The following CYP2D6 variants were observed in gnomAD, a reference collection of about 807,000 sequenced individuals.
CYP2D6 encodes cytochrome P450 2D6.
Under a neutral mutation model 43.5 loss-of-function variants are expected in CYP2D6, and 51 were observed. That is an observed-to-expected ratio of 1.17 (90% CI 0.94 to 1.48). CYP2D6 has a LOEUF of 1.48. Among genes scored for constraint, CYP2D6 ranks in the 40% most tolerant of loss-of-function variants. The pLI is 0.00. For missense variants in CYP2D6, 698 were observed against 688.0 expected (o/e 1.01, Z -0.16); for synonymous variants, 346 against 297.1 (o/e 1.16, Z -1.69).
intron 4 of CYP2D6, 126 bp from the exon 5 acceptor site, chr22:42,128,476 C>G: frequency 8.6e-7 from 1 of 1,160,872 alleles, no homozygotes; most frequent in Non-Finnish European, 1.3e-6. Flanking sequence ...CTCACCAAGT[C>G]CCTCCCCAAG....
chr22:42,128,662 T>G lies in CYP2D6; in HGVS notation c.666+122A>C, dbSNP rs267608290. ...CCTCCAGGCCCTTCTTACAGTGGGG[T>G]CTCCTGGAATGTCCTTTCCCAAACC... On this transcript the variant is annotated intron_variant, in intron 4 of 8. Transcript: ENST00000645361. 456 of 1,165,106 alleles carry G rather than the reference T, an allele frequency of 3.9e-4. 16 individuals are homozygous for G. The African/African-American group carries it at 5.8e-3, about 15-fold the overall frequency. The allele number at this position is 1,165,106 out of a possible 1,614,324, so 72.2% of individuals were successfully genotyped here.
rs77952980 is a variant in CYP2D6, at chr22:42,128,152, C to T, written c.843+22G>A. 1.3e-5 allele frequency: 20 copies of T among 1,594,852 alleles called. 2 individuals carry two copies. In the African/African-American group the frequency reaches 2.4e-4, roughly 20 times the overall value. On this transcript the variant is annotated intron_variant, in intron 5 of 8. Transcript: ENST00000645361. ...ACGCTCAACCCACCACCCTTGCCCC[C>T]CACCGTGGCAGCCACTCTCACCTTC...
In CYP2D6 at chr22:42,128,909, C is replaced by T; in HGVS notation, c.541G>A (p.Ala181Thr). ...PFRPNGLLDK[A>T]VSNVIASLTC... Reference sequence around the variant, plus strand: ...AGGGAGGCGATCACGTTGCTCACGGCTTTGTCCAAGAGACCGTTGGGGCGA... The same window carrying T: ...AGGGAGGCGATCACGTTGCTCACGGTTTTGTCCAAGAGACCGTTGGGGCGA... The change falls in exon 4 of 9, where the codon GCC (alanine) becomes ACC (threonine). Residue 181 changes from alanine (A) to threonine (T), a missense_variant. Around this residue, in one of 5 missense-constraint regions of CYP2D6, gnomAD observed 588 missense variants for 521.1 expected, o/e 1.13. Coordinates refer to ENST00000645361, the MANE Select transcript of CYP2D6 (RefSeq NM_000106.6). 6.3e-7 allele frequency: 1 copy of T among 1,594,618 alleles called. No individual in the cohort carries two copies. The highest frequency in any genetic ancestry group is 2.3e-5 in the East Asian group (1 of 44,096).
rs1182114413 is a variant in CYP2D6, at chr22:42,127,560, G to A, written c.1060C>T (p.Pro354Ser). The A allele has an allele frequency of 6.2e-6, 10 of 1,612,120 alleles. No homozygotes were observed. In the Admixed American group the frequency reaches 1.2e-4, roughly 19 times the overall value. The change falls in exon 7 of 9, where the codon CCC becomes TCC. Residue 354 changes from proline (P) to serine (S), a missense_variant. Physicochemically the swap from Pro to Ser is moderately conservative, Grantham distance 74 (BLOSUM62 -1). Coordinates refer to ENST00000645361, the MANE Select transcript of CYP2D6 (RefSeq NM_000106.6). ...TCATGAATCACGGCAGTGGTGTAGG[G>A]CATGTGAGCCTGGTCACCCATCTCT... ...RPEMGDQAHM[P>S]YTTAVIHEVQ...
chr22:42,129,604 T>G, intron 2 of CYP2D6, 134 bp downstream of exon 2: 1 of 1,234,362 alleles, frequency 8.1e-7, no homozygotes, highest in Non-Finnish European at 1.1e-6. Flanking sequence ...GTGCAGGTGG[T>G]TTCTTGGCCC....
rs1344600962 is a variant in CYP2D6, at chr22:42,127,933, C to G, written c.894G>C (p.Val298=). 6 of 1,611,302 alleles carry G rather than the reference C, an allele frequency of 3.7e-6. No homozygotes were observed. Among genetic ancestry groups the G allele is most frequent in the Non-Finnish European group, 4.2e-6 (5 of 1,178,246 alleles). The change falls in exon 6 of 9, where the codon GTG becomes GTC. Residue 298 remains valine, a synonymous_variant. Transcript: ENST00000645361. ...SSFNDENLRI[V]VADLFSAGMV... ...TCCCGGCAGAGAACAGGTCAGCCAC[C>G]ACTATGCGCAGGTTCTCATCATTGA...
In CYP2D6 at chr22:42,128,365, A is replaced by G. The variant is rs1296401258; in HGVS notation, c.667-15T>C. On this transcript the variant is annotated splice_polypyrimidine_tract_variant and intron_variant, in intron 4 of 8. Coordinates refer to ENST00000645361, the MANE Select transcript of CYP2D6 (RefSeq NM_000106.6). ...GCATTCAGCACCTACACCAGACAGA[A>G]CGGGGTCTCAATCCCTCCTGTGCTC... 1 of 1,608,870 alleles carries G rather than the reference A, an allele frequency of 6.2e-7. No individual in the cohort carries two copies. Among genetic ancestry groups the G allele is most frequent in the African/African-American group, 1.4e-5 (1 of 73,906 alleles).
chr22:42,129,938 C>G (rs1156245575), intron 1 of CYP2D6, 29 bp from the exon 2 acceptor site: 9 of 1,523,322 alleles, frequency 5.9e-6, no homozygotes, highest in Non-Finnish European at 7.9e-6. Flanking sequence ...GGCCTCTTGT[C>G]AAGCCAGGAT....
intron 7 of CYP2D6, 83 bp from the exon 8 acceptor site, chr22:42,127,075 A>G (rs1362782812): frequency 6.8e-7 from 1 of 1,466,508 alleles, no homozygotes; most frequent in Non-Finnish European, 9.4e-7. Context: ...GGGGACACAC[A>G]CTGCCTGGCA....
intron 2 of CYP2D6, 31 bp downstream of exon 2, chr22:42,129,707 G>T (rs200028800): frequency 6.2e-7 from 1 of 1,608,648 alleles, no homozygotes. Flanking sequence ...GGGTCCCACG[G>T]AAATCTGTCT....
intron 2 of CYP2D6, chr22:42,129,511 C>T: frequency 1.4e-6 from 1 of 728,948 alleles, no homozygotes; most frequent in Non-Finnish European, 2.3e-6. Context: ...CAGCCTCACC[C>T]ATTGGGCTCC....
chr22:42,128,018 G>T (rs768123055), intron 5 of CYP2D6, 35 bp from the exon 6 acceptor site: 1 of 1,611,006 alleles, frequency 6.2e-7, no homozygotes, highest in East Asian at 2.2e-5. Context: ...GGGACAGAAC[G>T]GGGTAGCCCC....
chr22:42,128,788 C>A lies in CYP2D6; in HGVS notation c.662G>T (p.Arg221Leu). ...EGLKEESGFL[R>L]EVLNAVPVLL... is the part of the protein sequence containing the mutation. ...CCTCGGTCTCTCGCTCCGCACCTCGCGCAGAAAGCCCGACTCCTCCTTCAG... is the reference window on the plus strand; with the variant it reads ...CCTCGGTCTCTCGCTCCGCACCTCGAGCAGAAAGCCCGACTCCTCCTTCAG... Residue 221 changes from arginine to leucine, a missense_variant, in exon 4 of 9, where the codon CGC becomes CTC. By Grantham distance (102) the Arg-to-Leu change is moderately radical (BLOSUM62 -2). Coordinates refer to ENST00000645361, the MANE Select transcript of CYP2D6 (RefSeq NM_000106.6). 1 of 1,606,064 alleles carries A rather than the reference C, an allele frequency of 6.2e-7. No homozygotes were observed. Among genetic ancestry groups the A allele is most frequent in the Non-Finnish European group, 8.5e-7 (1 of 1,175,832 alleles).
intron 2 of CYP2D6, 125 bp downstream of exon 2, chr22:42,129,613 C>T (rs1319313962): frequency 2.3e-6 from 3 of 1,332,916 alleles, no homozygotes; most frequent in African/African-American, 2.9e-5. Flanking sequence ...GTTTCTTGGC[C>T]CGCTGTCCCC....
rs1396292295 is a variant in CYP2D6 at position 42,128,709 on chromosome 22, T to G, written c.666+75A>C. Reference sequence around the variant, plus strand: ...AACCCATCTATGCAAATCCTGCTCTTCCGAGGCCCCAGTCCAGCCCCGGCA... The same window carrying G: ...AACCCATCTATGCAAATCCTGCTCTGCCGAGGCCCCAGTCCAGCCCCGGCA... On this transcript the variant is annotated intron_variant, in intron 4 of 8. Transcript: ENST00000645361. The G allele has an allele frequency of 4.0e-6, 6 of 1,517,916 alleles. 1 individual carries two copies. The East Asian group carries it at 9.5e-5, about 24-fold the overall frequency. 94.0% of individuals were successfully genotyped at this position (1,517,916 alleles called of 1,614,324 possible). A position where few individuals can be genotyped will look rare whatever the true frequency, so the allele number is the denominator to read the frequency against.
rs1472131834 is a variant in CYP2D6, at chr22:42,127,696, T to A, written c.986-62A>T. ...CAGGGGGTCCGGCCCTGACACTCCT[T>A]CTTGCCTCCTATGTTGGAGGAGGTC... On this transcript the variant is annotated intron_variant, in intron 6 of 8. Transcript: ENST00000645361. 7 of 1,580,886 alleles carry A rather than the reference T, an allele frequency of 4.4e-6. No homozygotes were observed. In the Admixed American group the frequency reaches 1.2e-4, roughly 27 times the overall value.
rs67780109 is a variant in CYP2D6, at chr22:42,128,933, G to A, written c.517C>T (p.Arg173Cys). ...GCTTTGTCCAAGAGACCGTTGGGGC[G>A]AAAGGGGCGTCCTGGGGGTGGGAGA... ...AFANHSGRPF[R>C]PNGLLDKAVS... is the part of the protein sequence containing the mutation. Residue 173 changes from arginine to cysteine, a missense_variant, in exon 4 of 9, where the codon CGC becomes TGC. Arg to Cys is a radical substitution (Grantham distance 180). This residue lies in a region of CYP2D6 where 588 missense variants were observed against 521.1 expected (regional missense o/e 1.13). Transcript: ENST00000645361. The A allele has an allele frequency of 1.6e-4, 256 of 1,589,336 alleles. 2 individuals are homozygous for A. The highest frequency in any genetic ancestry group is 2.1e-4 in the Non-Finnish European group (246 of 1,167,944).
rs2004511 is a variant in CYP2D6, at chr22:42,127,209, T to C, written c.1174-217A>G. Among the ~76,000 whole-genome samples the C allele has an allele frequency of 0.2, 29,459 of 150,292 alleles. 4,195 individuals carry two copies. The highest frequency in any genetic ancestry group is 0.55 in the East Asian group (2,826 of 5,100). On this transcript the variant is annotated intron_variant, in intron 7 of 8. Coordinates refer to ENST00000645361, the MANE Select transcript of CYP2D6 (RefSeq NM_000106.6). ...ACACTGCCCCCTCTCCCTGCAGGCG[T>C]TGGGTCCTCCAACATTCTGGCAGGT...
chr22:42,128,892 G>A lies in CYP2D6; in HGVS notation c.558C>T (p.Ile186=), dbSNP rs771326092. 22 of 1,596,170 alleles carry A rather than the reference G, an allele frequency of 1.4e-5. No homozygotes were observed. The highest frequency in any genetic ancestry group is 3.4e-5 in the South Asian group (3 of 88,532). The stretch of plus-strand genomic sequence containing the variant: ...AGCGGCGCCCGCAGGTGAGGGAGGC[G>A]ATCACGTTGCTCACGGCTTTGTCCA... ...GLLDKAVSNV[I]ASLTCGRRFE... The change falls in exon 4 of 9, where the codon ATC becomes ATT. Residue 186 remains isoleucine, a synonymous_variant. Coordinates refer to ENST00000645361, the MANE Select transcript of CYP2D6 (RefSeq NM_000106.6).
Sources: allele counts gnomAD v4.1 joint callset (sites outside exome capture counted in the v4.1 genomes callset), GRCh38; gene constraint gnomAD v4.1.1; regional missense constraint gnomAD v4.1.1; transcripts MANE v1.5; gene names NCBI Gene and HGNC (gene_info 2026-07-23, HGNC 2026-07-21).